The following KIAA1217 variants were observed in gnomAD, a reference collection of about 807,000 sequenced individuals.
The protein encoded by KIAA1217 is sickle tail protein homolog.
A neutral mutation model predicts 163.9 loss-of-function variants in KIAA1217; 88 were observed. That is an observed-to-expected ratio of 0.54 (90% CI 0.45 to 0.64). The LOEUF (loss-of-function observed/expected upper bound fraction) is 0.64. Ranked by LOEUF, KIAA1217 falls within the 30% of genes least tolerant of loss-of-function variation. The pLI is 0.00. For missense variants in KIAA1217, 2,372 were observed against 2,475.0 expected (o/e 0.96, Z 0.88); for synonymous variants, 903 against 923.1 (o/e 0.98, Z 0.39).
At chr10:24,182,817 G>A (rs1450785482) in intron 2 of KIAA1217, among the ~76,000 whole-genome samples, 1 of 152,140 alleles carries the variant, frequency 6.6e-6, no homozygotes, top group African/African-American at 2.4e-5. Flanking sequence ...AGGGATTTTA[G>A]GAGATTATTT....
At position 24,501,729 on chromosome 10, in the gene KIAA1217, C is replaced by CTTT. The variant is rs71397953; in HGVS notation, c.2001+219_2001+221dup. ...AACTATAGTCAATCTATAACCACTT[C>CTTT]TTTTTTTTTTTTTTTTTTTTTTTTT... On this transcript the variant is annotated intron_variant, in intron 9 of 20. Coordinates refer to ENST00000376454, the MANE Select transcript of KIAA1217 (RefSeq NM_019590.5). Among the ~76,000 whole-genome samples, 20 of 51,504 alleles carry CTTT rather than the reference C, an allele frequency of 3.9e-4. 8 individuals are homozygous for CTTT. The highest frequency in any genetic ancestry group is 1.4e-3 in the Admixed American group (5 of 3,584). The allele number at this position is 51,504 out of a possible 152,430, so 33.8% of individuals were successfully genotyped here. A position where few individuals can be genotyped will look rare whatever the true frequency, so the allele number is the denominator to read the frequency against.
At chr10:23,940,345 A>G (rs1485523933) in intron 1 of KIAA1217, among the ~76,000 whole-genome samples, 1 of 151,528 alleles carries the variant, frequency 6.6e-6, no homozygotes, top group Non-Finnish European at 1.5e-5. Context: ...CTGTAATCCT[A>G]GCTATTCAGA....
intron 2 of KIAA1217, among the ~76,000 whole-genome samples, chr10:24,266,771 G>A (rs1026537678): frequency 3.3e-5 from 5 of 152,154 alleles, no homozygotes; most frequent in African/African-American, 1.2e-4. Context: ...ATCGAATTTG[G>A]GAGGGGACAA....
At chr10:23,962,102 ATG>A (rs1238289689) in intron 1 of KIAA1217, among the ~76,000 whole-genome samples, 4 of 152,216 alleles carry the variant, frequency 2.6e-5, no homozygotes, top group Non-Finnish European at 5.9e-5. Flanking sequence ...CCCATTACAA[ATG>A]TGTTGCCCTG....
intron 2 of KIAA1217, among the ~76,000 whole-genome samples, chr10:24,378,825 G>T (rs1471001594): frequency 6.6e-6 from 1 of 152,146 alleles, no homozygotes; most frequent in Non-Finnish European, 1.5e-5. Context: ...ACAAAAAGAG[G>T]AGTTTACATT....
At chr10:24,391,727 C>T (rs1389991126) in intron 3 of KIAA1217, among the ~76,000 whole-genome samples, 1 of 152,068 alleles carries the variant, frequency 6.6e-6, no homozygotes, top group Non-Finnish European at 1.5e-5. Flanking sequence ...ATAAAGTTAA[C>T]CTAAGACTTT....
rs536201361 is a variant in KIAA1217 at position 24,133,255 on chromosome 10, T to A, written c.-170-86371T>A. 5.3e-5 allele frequency among the ~76,000 whole-genome samples: 8 copies of A among 152,188 alleles called. No homozygotes were observed. In the South Asian group the frequency reaches 1.7e-3, roughly 32 times the overall value. ...GAAAGGATCAGTGTTAAATATTGGTTAAGCTGTCATGATTCTATTAGTCAA... is the reference window on the plus strand; with the variant it reads ...GAAAGGATCAGTGTTAAATATTGGTAAAGCTGTCATGATTCTATTAGTCAA... On this transcript the variant is annotated intron_variant, in intron 2 of 18. Coordinates refer to the KIAA1217 transcript ENST00000376462.
chr10:24,362,346 A>G, intron 2 of KIAA1217, among the ~76,000 whole-genome samples: 1 of 152,224 alleles, frequency 6.6e-6, no homozygotes, highest in South Asian at 2.1e-4. Context: ...GCATTTCTTG[A>G]ATCTTGAGCT....
At chr10:23,715,865 A>G (rs1267891576) in intron 1 of KIAA1217, among the ~76,000 whole-genome samples, 1 of 152,200 alleles carries the variant, frequency 6.6e-6, no homozygotes, top group African/African-American at 2.4e-5. Context: ...GTCATTACTC[A>G]GTTCACTAAA....
chr10:23,864,053 A>T (rs1840069850), intron 1 of KIAA1217, among the ~76,000 whole-genome samples: 1 of 150,682 alleles, frequency 6.6e-6, no homozygotes, highest in South Asian at 2.1e-4. Flanking sequence ...TTGAGTACTC[A>T]CAAAAACCTT....
chr10:23,912,738 A>G (rs572759447), intron 1 of KIAA1217, among the ~76,000 whole-genome samples: 1 of 152,318 alleles, frequency 6.6e-6, no homozygotes, highest in Non-Finnish European at 1.5e-5. Context: ...AAATTTTAAG[A>G]CAGTGTGAAA....
intron 1 of KIAA1217, among the ~76,000 whole-genome samples, chr10:23,728,990 T>A (rs1366283341): frequency 1.3e-5 from 2 of 152,248 alleles, no homozygotes; most frequent in African/African-American, 4.8e-5. Context: ...ACTGACCTTT[T>A]TACTGTCTCC....
In KIAA1217 at chr10:23,810,581, A is replaced by AGT. The variant is rs1491275693; in HGVS notation, c.-321+115347_-321+115348insGT. Among the ~76,000 whole-genome samples, 36 of 128,754 alleles carry AGT rather than the reference A, an allele frequency of 2.8e-4. 1 individual carries two copies. Among genetic ancestry groups the AGT allele is most frequent in the African/African-American group, 8.7e-4 (30 of 34,416 alleles). 84.5% of individuals were successfully genotyped at this position (128,754 alleles called of 152,430 possible). On this transcript the variant is annotated intron_variant, in intron 1 of 18. Transcript: ENST00000376462. ...AGTATATATAGTATAATCTATATATAATATATATAGTGTGTATATATAAAT... is the reference window on the plus strand; with the variant it reads ...AGTATATATAGTATAATCTATATATAGTATATATATAGTGTGTATATATAAAT...
chr10:24,475,255 A>T (rs1257075249), intron 6 of KIAA1217, among the ~76,000 whole-genome samples: 1 of 152,192 alleles, frequency 6.6e-6, no homozygotes, highest in Admixed American at 6.5e-5. Context: ...CTAGATATTC[A>T]GTTATTCAAT....
chr10:23,904,248 C>T (rs1301276143), intron 1 of KIAA1217, among the ~76,000 whole-genome samples: 2 of 152,166 alleles, frequency 1.3e-5, no homozygotes, highest in African/African-American at 4.8e-5. Flanking sequence ...AGTGAATGCT[C>T]TGTACACATT....
In KIAA1217 at chr10:24,490,994, G is replaced by A. The variant is rs184183539; in HGVS notation, c.1680-3506G>A. ...AGCACCCAGACTCTTATCCCAGACCGTTCTGCAACTCTGTCAATGTCAGCC... is the reference window on the plus strand; with the variant it reads ...AGCACCCAGACTCTTATCCCAGACCATTCTGCAACTCTGTCAATGTCAGCC... On this transcript the variant is annotated intron_variant, in intron 6 of 20. Transcript: ENST00000376454. 1.1e-4 allele frequency among the ~76,000 whole-genome samples: 17 copies of A among 152,290 alleles called. No homozygotes were observed. In the East Asian group the frequency reaches 2.7e-3, roughly 24 times the overall value.
At chr10:24,065,057 G>A (rs1224327672) in intron 2 of KIAA1217, among the ~76,000 whole-genome samples, 15 of 151,890 alleles carry the variant, frequency 9.9e-5, no homozygotes, top group South Asian at 2.1e-4. Context: ...TCTGGCTAGC[G>A]GTCTATCAAT....
At chr10:24,462,999 A>T (rs2062578393) in intron 5 of KIAA1217, among the ~76,000 whole-genome samples, 1 of 152,202 alleles carries the variant, frequency 6.6e-6, no homozygotes, top group African/African-American at 2.4e-5. Flanking sequence ...ATGTGCAGAG[A>T]TGGAGATAAG....
intron 1 of KIAA1217, among the ~76,000 whole-genome samples, chr10:23,723,092 C>G (rs533527966): frequency 5.4e-4 from 82 of 152,266 alleles, no homozygotes; most frequent in Admixed American, 2.0e-3. Context: ...CACTGGCCAG[C>G]AGAAAGTAAT....
Sources: allele counts gnomAD v4.1 joint callset (sites outside exome capture counted in the v4.1 genomes callset), GRCh38; gene constraint gnomAD v4.1.1; transcripts MANE v1.5; gene names NCBI Gene and HGNC (gene_info 2026-07-23, HGNC 2026-07-21).